The following LARGE1 variants were observed in gnomAD, a reference collection of about 807,000 sequenced individuals.
The protein encoded by LARGE1 is xylosyl- and glucuronyltransferase LARGE1.
LARGE1 carries 43 observed loss-of-function variants against 87.6 expected under a neutral mutation model. The observed-to-expected ratio is 0.49, with a 90% CI of 0.38 to 0.63. The LOEUF is 0.63. Among genes scored for constraint, LARGE1 ranks in the 30% least tolerant of loss-of-function variants. LARGE1 has a pLI of 0.00. For synonymous variants in LARGE1, 434 were observed against 394.6 expected, an observed-to-expected ratio of 1.10 and a Z score of -1.18; for missense variants, 802 against 1,000.2, an observed-to-expected ratio of 0.80 and a Z score of 2.67.
chr22:33,305,317 G>T (rs756682613), intron 11 of LARGE1, among the ~76,000 whole-genome samples: 1 of 148,718 alleles, frequency 6.7e-6, no homozygotes, highest in African/African-American at 2.5e-5. Flanking sequence ...CAGAGATGCT[G>T]AGCCAGGGAG....
At chr22:33,766,069 C>T (rs1356863634) in intron 1 of LARGE1, among the ~76,000 whole-genome samples, 1 of 152,130 alleles carries the variant, frequency 6.6e-6, no homozygotes, top group Non-Finnish European at 1.5e-5. Flanking sequence ...TCAGAAGTTA[C>T]TCCAGGAAGT....
chr22:33,501,379 A>G (rs1461768179), intron 6 of LARGE1, among the ~76,000 whole-genome samples: 1 of 152,210 alleles, frequency 6.6e-6, no homozygotes, highest in Non-Finnish European at 1.5e-5. Flanking sequence ...GTTTGCTGCA[A>G]AAGGAGCCAG....
chr22:33,608,479 CTCA>C (rs1326013921), intron 4 of LARGE1, among the ~76,000 whole-genome samples: 10 of 152,158 alleles, frequency 6.6e-5, no homozygotes, highest in Non-Finnish European at 1.5e-4. Flanking sequence ...GTGTGAAAAG[CTCA>C]TCCGCCATCT....
At chr22:33,897,737 C>T (rs2065182382) in intron 1 of LARGE1, among the ~76,000 whole-genome samples, 1 of 152,188 alleles carries the variant, frequency 6.6e-6, no homozygotes, top group Non-Finnish European at 1.5e-5. Context: ...AAAATAAGTA[C>T]ATTAAGCACA....
intron 2 of LARGE1, chr22:33,733,786 T>C (rs1190934983): frequency 6.6e-6 from 1 of 152,004 alleles, no homozygotes. Context: ...AAATTTAGTA[T>C]AATAATCAAA....
At chr22:33,531,618 G>A (rs1351506134) in intron 6 of LARGE1, among the ~76,000 whole-genome samples, 2 of 152,218 alleles carry the variant, frequency 1.3e-5, no homozygotes, top group Non-Finnish European at 2.9e-5. Flanking sequence ...ATGTTGCACC[G>A]ATGCTGCTTT....
intron 2 of LARGE1, among the ~76,000 whole-genome samples, chr22:33,694,131 G>T (rs1410409284): frequency 6.6e-6 from 1 of 152,236 alleles, no homozygotes; most frequent in Non-Finnish European, 1.5e-5. Context: ...TGACATGTTA[G>T]ATGTTAGGAA....
the LARGE1 span, among the ~76,000 whole-genome samples, chr22:33,101,372 CA>C: frequency 6.6e-6 from 1 of 152,160 alleles, no homozygotes; most frequent in African/African-American, 2.4e-5. Flanking sequence ...ATAATCAAAA[CA>C]GGGAAAATAA....
At chr22:33,721,228 A>T (rs981566525) in intron 2 of LARGE1, among the ~76,000 whole-genome samples, 3 of 152,232 alleles carry the variant, frequency 2.0e-5, no homozygotes, top group Non-Finnish European at 4.4e-5. Context: ...AAGACTTGCT[A>T]GTTCTACCCT....
intron 2 of LARGE1, among the ~76,000 whole-genome samples, chr22:33,671,333 C>T (rs2081406181): frequency 6.6e-6 from 1 of 152,216 alleles, no homozygotes; most frequent in East Asian, 1.9e-4. Flanking sequence ...TGAAAGCCAT[C>T]ATGAGATGTC....
intron 1 of LARGE1, among the ~76,000 whole-genome samples, chr22:33,899,769 C>T (rs2065237134): frequency 6.6e-6 from 1 of 152,180 alleles, no homozygotes; most frequent in African/African-American, 2.4e-5. Flanking sequence ...AATTCTGATC[C>T]AATTGATGGG....
At chr22:33,249,346 A>T (rs138352736) in intron 11 of LARGE1, among the ~76,000 whole-genome samples, 12 of 152,294 alleles carry the variant, frequency 7.9e-5, no homozygotes, top group Non-Finnish European at 1.6e-4. Context: ...ATCTTTGGTG[A>T]GATGTCTGTT....
the LARGE1 span, among the ~76,000 whole-genome samples, chr22:33,135,650 G>A: frequency 1.1e-4 from 16 of 152,036 alleles, no homozygotes; most frequent in African/African-American, 3.9e-4. Flanking sequence ...GACCAGCCTG[G>A]CCAACATGGC....
the LARGE1 span, among the ~76,000 whole-genome samples, chr22:33,091,513 T>A: frequency 6.6e-6 from 1 of 151,822 alleles, no homozygotes; most frequent in African/African-American, 2.4e-5. Flanking sequence ...TGAGCTGAGA[T>A]CGCGCCACTG....
intron 12 of LARGE1, among the ~76,000 whole-genome samples, chr22:33,295,790 A>C (rs1933168668): frequency 6.6e-6 from 1 of 152,210 alleles, no homozygotes; most frequent in African/African-American, 2.4e-5. Context: ...CCACTGTAGA[A>C]TACACACATA....
intron 2 of LARGE1, among the ~76,000 whole-genome samples, chr22:33,676,374 A>C (rs2081578968): frequency 1.2e-5 from 1 of 81,140 alleles, no homozygotes; most frequent in Non-Finnish European, 2.2e-5. Context: ...TTCAATGGCA[A>C]AAAAAAAAAA....
intron 6 of LARGE1, among the ~76,000 whole-genome samples, chr22:33,443,950 C>A (rs2067590978): frequency 1.3e-5 from 2 of 152,270 alleles, no homozygotes; most frequent in African/African-American, 4.8e-5. Context: ...AACCTCCATC[C>A]ATGGAAATTT....
At chr22:33,139,441 G>C in the LARGE1 span, among the ~76,000 whole-genome samples, 1 of 151,640 alleles carries the variant, frequency 6.6e-6, no homozygotes, top group Non-Finnish European at 1.5e-5. Flanking sequence ...TCAGTTAATG[G>C]GGTCCTTCAT....
At chr22:33,105,073 C>T in the LARGE1 span, among the ~76,000 whole-genome samples, 56 of 151,856 alleles carry the variant, frequency 3.7e-4, no homozygotes, top group Non-Finnish European at 7.8e-4. Context: ...TCTCCGCTCA[C>T]CACAATCTCC....
Sources: allele counts gnomAD v4.1 joint callset (sites outside exome capture counted in the v4.1 genomes callset), GRCh38; gene constraint gnomAD v4.1.1; transcripts MANE v1.5; gene names NCBI Gene and HGNC (gene_info 2026-07-23, HGNC 2026-07-21).